The following ARNT2 variants were observed in gnomAD, a reference collection of about 807,000 sequenced individuals.
ARNT2 encodes ARNT protein 2.
In ARNT2, 36 loss-of-function variants were observed where a neutral mutation model predicts 91.7. The observed-to-expected ratio is 0.39, with a 90% CI of 0.30 to 0.52. ARNT2 has a LOEUF of 0.52. Among genes scored for constraint, ARNT2 ranks in the 20% least tolerant of loss-of-function variants. The pLI, the probability that ARNT2 is intolerant of heterozygous loss-of-function variation, is 0.72. For missense variants in ARNT2, 775 were observed against 939.3 expected (o/e 0.83, Z 2.29); for synonymous variants, 365 against 347.1 (o/e 1.05, Z -0.57).
intron 8 of ARNT2, among the ~76,000 whole-genome samples, chr15:80,548,621 G>C (rs1324182389): frequency 6.6e-6 from 1 of 152,012 alleles, no homozygotes; most frequent in Non-Finnish European, 1.5e-5. Flanking sequence ...ATAAACAGAG[G>C]CTATAATGGT....
At chr15:80,538,076 G>A (rs1239205683) in intron 8 of ARNT2, among the ~76,000 whole-genome samples, 1 of 152,072 alleles carries the variant, frequency 6.6e-6, no homozygotes, top group African/African-American at 2.4e-5. Flanking sequence ...AAATGGAAAG[G>A]TATATTTATA....
At chr15:80,481,976 G>A (rs867759789) in intron 5 of ARNT2, among the ~76,000 whole-genome samples, 4 of 152,256 alleles carry the variant, frequency 2.6e-5, no homozygotes, top group Non-Finnish European at 2.9e-5. Flanking sequence ...GTCATAGCTT[G>A]CTGCAGCCTC....
chr15:80,580,402 C>G lies in ARNT2; in HGVS notation c.1614-9C>G. 1 of 1,614,054 alleles carries G rather than the reference C, an allele frequency of 6.2e-7. No homozygotes were observed. The highest frequency in any genetic ancestry group is 2.2e-5 in the East Asian group (1 of 44,874). On this transcript the variant is annotated splice_polypyrimidine_tract_variant and intron_variant, in intron 15 of 18. Coordinates refer to ENST00000303329, the MANE Select transcript of ARNT2 (RefSeq NM_014862.4). Reference sequence around the variant, plus strand: ...GTCCTCGGGATAAATGCATTTTCCTCTTTTCTAGCTCTTCAGTGGTTCATG... The same window carrying G: ...GTCCTCGGGATAAATGCATTTTCCTGTTTTCTAGCTCTTCAGTGGTTCATG...
rs1896378251 is a variant in ARNT2, at chr15:80,450,914, G to A, written c.66G>A (p.Leu22=). Residue 22 remains leucine, a synonymous_variant, in exon 2 of 19, where the codon TTG becomes TTA. Coordinates refer to ENST00000303329, the MANE Select transcript of ARNT2 (RefSeq NM_014862.4). ...MASDIPGSVT[L]PVAPMAATGQ... Reference sequence around the variant, plus strand: ...CAGACATACCTGGATCTGTGACGTTGCCCGTTGCCCCCATGGCGGCCACCG... The same window carrying A: ...CAGACATACCTGGATCTGTGACGTTACCCGTTGCCCCCATGGCGGCCACCG... The A allele has an allele frequency of 6.2e-7, 1 of 1,614,198 alleles. No homozygotes were observed.
At chr15:80,524,680 T>G (rs748781663) in intron 8 of ARNT2, among the ~76,000 whole-genome samples, 20 of 151,824 alleles carry the variant, frequency 1.3e-4, no homozygotes, top group Non-Finnish European at 2.6e-4. Context: ...ATCGAGACCA[T>G]CCTGGCCAAC....
chr15:80,445,793 G>A (rs781172936), intron 1 of ARNT2, among the ~76,000 whole-genome samples: 1 of 151,980 alleles, frequency 6.6e-6, no homozygotes, highest in Non-Finnish European at 1.5e-5. Context: ...TCAGGCTCAC[G>A]GGGTTTGCAG....
At chr15:80,478,519 T>C (rs965443195) in intron 5 of ARNT2, among the ~76,000 whole-genome samples, 6 of 152,204 alleles carry the variant, frequency 3.9e-5, no homozygotes, top group African/African-American at 1.4e-4. Context: ...GAGAAGGCCC[T>C]GTGAAAGGTG....
rs201779344 is a variant in ARNT2, at chr15:80,563,243, C to T, written c.1316+4C>T. On this transcript the variant is annotated splice_donor_region_variant and intron_variant, in intron 12 of 18. Transcript: ENST00000303329. ...TCTGCACCAACACCAACGTCAAGTA[C>T]GTACACTGCCATTTCCCTCTCCTGG... The T allele has an allele frequency of 1.4e-4, 223 of 1,613,994 alleles. 1 individual carries two copies. Among genetic ancestry groups the T allele is most frequent in the Non-Finnish European group, 5.9e-5 (70 of 1,179,990 alleles).
In ARNT2 at chr15:80,593,498, G is replaced by A. The variant is rs935446552; in HGVS notation, c.2056-102G>A. On this transcript the variant is annotated intron_variant, in intron 18 of 18. Coordinates refer to ENST00000303329, the MANE Select transcript of ARNT2 (RefSeq NM_014862.4). ...GAGGACCTCTGGGCTGCCCCTTTAGGGATGGCCATGAGGGTGAGTGCAGAC... is the reference window on the plus strand; with the variant it reads ...GAGGACCTCTGGGCTGCCCCTTTAGAGATGGCCATGAGGGTGAGTGCAGAC... The A allele has an allele frequency of 7.2e-5, 66 of 917,774 alleles. No homozygotes were observed. The African/African-American group carries it at 1.1e-3, about 15-fold the overall frequency. 56.9% of individuals were successfully genotyped at this position (917,774 alleles called of 1,614,324 possible). A position where few individuals can be genotyped will look rare whatever the true frequency, so the allele number is the denominator to read the frequency against.
chr15:80,445,591 G>A (rs979905486), intron 1 of ARNT2, among the ~76,000 whole-genome samples: 1 of 151,828 alleles, frequency 6.6e-6, no homozygotes, highest in African/African-American at 2.4e-5. Context: ...AGGTGGGTGG[G>A]AGACAGGATG....
intron 17 of ARNT2, among the ~76,000 whole-genome samples, chr15:80,584,418 A>G (rs1258275402): frequency 2.0e-5 from 3 of 152,088 alleles, no homozygotes; most frequent in Non-Finnish European, 2.9e-5. Context: ...GGGTGTGTGT[A>G]TGGTTAGGAA....
chr15:80,578,585 C>A (rs868349342), intron 15 of ARNT2, among the ~76,000 whole-genome samples: 1 of 150,688 alleles, frequency 6.6e-6, no homozygotes, highest in African/African-American at 2.4e-5. Context: ...GACAGTCCAG[C>A]GTGAGGTGCA....
intron 1 of ARNT2, among the ~76,000 whole-genome samples, chr15:80,446,044 C>A (rs1896298769): frequency 6.6e-6 from 1 of 152,124 alleles, no homozygotes; most frequent in Non-Finnish European, 1.5e-5. Flanking sequence ...TGTGCTTACG[C>A]TGTGCCAGGC....
Position 80,404,489 on chromosome 15 carries a change from A to G in ARNT2, c.-27A>G. Reference sequence around the variant, plus strand: ...CGCCGCCCCTCCCGCGCCCCTGCCAAGCGGGCGCCTATCCTCTCCGAGCAA... The same window carrying G: ...CGCCGCCCCTCCCGCGCCCCTGCCAGGCGGGCGCCTATCCTCTCCGAGCAA... On this transcript the variant is annotated 5_prime_UTR_variant, in exon 1 of 19. Coordinates refer to ENST00000303329, the MANE Select transcript of ARNT2 (RefSeq NM_014862.4). The surrounding 1 kb of genome is among the most constrained non-coding windows in gnomAD (Gnocchi z 5.5). The G allele has an allele frequency of 8.1e-7, 1 of 1,229,468 alleles. No homozygotes were observed. The highest frequency in any genetic ancestry group is 1.0e-6 in the Non-Finnish European group (1 of 966,522). The allele number at this position is 1,229,468 out of a possible 1,614,324, so 76.2% of individuals were successfully genotyped here. A position where few individuals can be genotyped will look rare whatever the true frequency, so the allele number is the denominator to read the frequency against.
In ARNT2 at chr15:80,440,932, A is replaced by G. The variant is rs147062542; in HGVS notation, c.32-9948A>G. ...CTAATGATTTTCTGTACATTGTGCT[A>G]TAAAAATGCTACCCCATGGAGGCCC... On this transcript the variant is annotated intron_variant, in intron 1 of 18. Transcript: ENST00000303329. Among the ~76,000 whole-genome samples, 160 of 152,372 alleles carry G rather than the reference A, an allele frequency of 1.1e-3. 1 individual carries two copies. Among genetic ancestry groups the G allele is most frequent in the Non-Finnish European group, 1.8e-3 (121 of 68,042 alleles).
In ARNT2 at chr15:80,591,440, C is replaced by T; in HGVS notation, c.1919-128C>T. 1 of 1,214,982 alleles carries T rather than the reference C, an allele frequency of 8.2e-7. No homozygotes were observed. The highest frequency in any genetic ancestry group is 1.9e-5 in the Admixed American group (1 of 52,174). The allele number at this position is 1,214,982 out of a possible 1,614,324, so 75.3% of individuals were successfully genotyped here. On this transcript the variant is annotated intron_variant, in intron 17 of 18. Transcript: ENST00000303329. This position sits in a 1 kb window ranked among gnomAD's most constrained non-coding sequence, Gnocchi z 5.1. ...GTGAGAAAGACGAGGATAGCAAACA[C>T]ATTCCGCCAGCTCTGGATGGAACGT...
intron 8 of ARNT2, among the ~76,000 whole-genome samples, chr15:80,542,326 T>G (rs1423806179): frequency 6.6e-6 from 1 of 152,232 alleles, no homozygotes; most frequent in Non-Finnish European, 1.5e-5. Flanking sequence ...CTTAAAGGAC[T>G]GGTATCTTAG....
At chr15:80,574,328 T>TC in intron 13 of ARNT2, 108 bp downstream of exon 13, 2 of 1,065,938 alleles carry the variant, frequency 1.9e-6, no homozygotes, top group Non-Finnish European at 1.4e-6. Context: ...GATTGCCCCA[T>TC]CCCCCCACTA....
intron 8 of ARNT2, among the ~76,000 whole-genome samples, chr15:80,518,277 CTTTTTTTTTT>C (rs56726705): frequency 3.7e-4 from 33 of 89,378 alleles, no homozygotes; most frequent in Admixed American, 1.2e-3. Flanking sequence ...TTTTTCTATT[CTTTTTTTTTT>C]TTTTTTTTTT....
Sources: allele counts gnomAD v4.1 joint callset (sites outside exome capture counted in the v4.1 genomes callset), GRCh38; gene constraint gnomAD v4.1.1; non-coding constraint Gnocchi (gnomAD v3.1); transcripts MANE v1.5; gene names NCBI Gene and HGNC (gene_info 2026-07-23, HGNC 2026-07-21).